SLC49A4: variants seen among roughly 807,000 people sequenced by gnomAD.
The protein encoded by SLC49A4 is disrupted in renal cancer protein 2.
A neutral mutation model predicts 50.6 loss-of-function variants in SLC49A4; 36 were observed. That is an observed-to-expected ratio of 0.71 (90% CI 0.55 to 0.94). SLC49A4 has a LOEUF of 0.94. Among genes scored for constraint, SLC49A4 ranks in the 40% least tolerant of loss-of-function variants. The pLI is 0.00. For synonymous variants in SLC49A4, 248 were observed against 241.2 expected, an observed-to-expected ratio of 1.03 and a Z score of -0.26; for missense variants, 503 against 605.7, an observed-to-expected ratio of 0.83 and a Z score of 1.78.
chr3:122,851,539 G>C lies in SLC49A4; in HGVS notation c.943-4768G>C, dbSNP rs138642332. Reference sequence around the variant, plus strand: ...AAGTTAGCTCTCAAATTTAAAAGCTGGCTGCTTTTAAGATTTTCTGTATAT... The same window carrying C: ...AAGTTAGCTCTCAAATTTAAAAGCTCGCTGCTTTTAAGATTTTCTGTATAT... On this transcript the variant is annotated intron_variant, in intron 5 of 8. Coordinates refer to ENST00000261038, the MANE Select transcript of SLC49A4 (RefSeq NM_032839.3). Among the ~76,000 whole-genome samples, 18 of 152,104 alleles carry C rather than the reference G, an allele frequency of 1.2e-4. No individual in the cohort carries two copies. The East Asian group carries it at 3.5e-3, about 29-fold the overall frequency.
intron 8 of SLC49A4, among the ~76,000 whole-genome samples, chr3:122,878,190 G>T (rs1937288740): frequency 6.6e-6 from 1 of 152,150 alleles, no homozygotes; most frequent in African/African-American, 2.4e-5. Flanking sequence ...TTAGCATTTT[G>T]TAGAAGTACA....
chr3:122,810,852 A>T (rs1031860490), intron 2 of SLC49A4, among the ~76,000 whole-genome samples: 8 of 152,210 alleles, frequency 5.3e-5, no homozygotes, highest in African/African-American at 1.9e-4. Context: ...TTGTTTAGTG[A>T]CTGATTTTGT....
At chr3:122,842,002 A>G (rs949677985) in intron 4 of SLC49A4, among the ~76,000 whole-genome samples, 1 of 152,254 alleles carries the variant, frequency 6.6e-6, no homozygotes, top group African/African-American at 2.4e-5. Flanking sequence ...ACAGTTTAAA[A>G]TGATCGTTTT....
chr3:122,872,702 T>G (rs574761084), intron 8 of SLC49A4, 105 bp downstream of exon 8: 41 of 740,164 alleles, frequency 5.5e-5, no homozygotes, highest in Admixed American at 1.7e-4. Flanking sequence ...CAAGGCAAAT[T>G]ACTTTATGTG....
chr3:122,873,923 TC>T lies in SLC49A4; in HGVS notation c.1321+1332del, dbSNP rs920706321. ...GGTAAAGCATCGGAGATGGCTGTGA[TC>T]CCCCCTGGGATGGTAGAAGCAGTTT... On this transcript the variant is annotated intron_variant, in intron 8 of 8. Coordinates refer to ENST00000261038, the MANE Select transcript of SLC49A4 (RefSeq NM_032839.3). 9.9e-5 allele frequency among the ~76,000 whole-genome samples: 15 copies of T among 152,170 alleles called. 1 individual carries two copies. Among genetic ancestry groups the T allele is most frequent in the Admixed American group, 8.5e-4 (13 of 15,272 alleles).
chr3:122,840,764 A>G (rs1027028695), intron 4 of SLC49A4, among the ~76,000 whole-genome samples: 1 of 152,176 alleles, frequency 6.6e-6, no homozygotes, highest in Admixed American at 6.5e-5. Context: ...TACCGTTGAA[A>G]AAGTATGCAT....
chr3:122,817,331 A>G (rs1056405251), intron 2 of SLC49A4, among the ~76,000 whole-genome samples: 2 of 152,214 alleles, frequency 1.3e-5, no homozygotes, highest in Non-Finnish European at 2.9e-5. Context: ...GGCCACTACA[A>G]GCTGGAAAAT....
intron 1 of SLC49A4, among the ~76,000 whole-genome samples, chr3:122,802,821 G>C (rs74516266): frequency 6.6e-6 from 1 of 152,160 alleles, no homozygotes; most frequent in Non-Finnish European, 1.5e-5. Context: ...AGAAAAGGTC[G>C]TGTGACTTGA....
At chr3:122,835,757 GT>G (rs1166638073) in intron 4 of SLC49A4, among the ~76,000 whole-genome samples, 2 of 152,112 alleles carry the variant, frequency 1.3e-5, no homozygotes, top group Non-Finnish European at 2.9e-5. Flanking sequence ...AGCCAGAACA[GT>G]CAGGCAACTG....
chr3:122,798,634 CTTTTTTTTTTTTT>C lies in SLC49A4; in HGVS notation c.343+3115_343+3127del, dbSNP rs71136594. 1.4e-4 allele frequency among the ~76,000 whole-genome samples: 9 copies of C among 62,840 alleles called. No homozygotes were observed. The East Asian group carries it at 4.9e-3, about 34-fold the overall frequency. 41.2% of individuals were successfully genotyped at this position (62,840 alleles called of 152,430 possible). A position where few individuals can be genotyped will look rare whatever the true frequency, so the allele number is the denominator to read the frequency against. On this transcript the variant is annotated intron_variant, in intron 1 of 8. Coordinates refer to ENST00000261038, the MANE Select transcript of SLC49A4 (RefSeq NM_032839.3). ...CTGGCATCCTTGGGTACTAAAATATCTTTTTTTTTTTTTTTTTTTTTTTTTTTTGAGACAGAGT... is the reference window on the plus strand; with the variant it reads ...CTGGCATCCTTGGGTACTAAAATATCTTTTTTTTTTTTTTTGAGACAGAGT...
At position 122,795,465 on chromosome 3, in the gene SLC49A4, G is replaced by T. The variant is rs752503222; in HGVS notation, c.273G>T (p.Ala91=). 2 of 1,606,386 alleles carry T rather than the reference G, an allele frequency of 1.2e-6. No individual in the cohort carries two copies. The highest frequency in any genetic ancestry group is 1.7e-6 in the Non-Finnish European group (2 of 1,179,002). Residue 91 remains alanine, a synonymous_variant, in exon 1 of 9, where the codon GCG becomes GCT. Coordinates refer to ENST00000261038, the MANE Select transcript of SLC49A4 (RefSeq NM_032839.3). ...ACGGCTTCTCCAGCTGGGACATCGC[G>T]CTGCTCGTGCTGTGGGGGCCCATCG... The part of the protein sequence containing the change: ...QAYGFSSWDI[A]LLVLWGPIGF...
chr3:122,848,989 A>G (rs1226394658), intron 5 of SLC49A4, among the ~76,000 whole-genome samples: 1 of 152,160 alleles, frequency 6.6e-6, no homozygotes, highest in Non-Finnish European at 1.5e-5. Context: ...AGCAGCTGGT[A>G]ACTATCATTC....
intron 2 of SLC49A4, among the ~76,000 whole-genome samples, chr3:122,811,904 G>A (rs964204326): frequency 2.6e-5 from 4 of 152,078 alleles, no homozygotes; most frequent in African/African-American, 4.8e-5. Context: ...GAGGTGGAAA[G>A]GACATTTACT....
chr3:122,811,077 C>G (rs1015990906), intron 2 of SLC49A4, among the ~76,000 whole-genome samples: 1 of 152,150 alleles, frequency 6.6e-6, no homozygotes, highest in Non-Finnish European at 1.5e-5. Flanking sequence ...ATATATTTGA[C>G]TATGTAAAAA....
chr3:122,856,294 T>G lies in SLC49A4; in HGVS notation c.943-13T>G, dbSNP rs1306690097. On this transcript the variant is annotated splice_polypyrimidine_tract_variant and intron_variant, in intron 5 of 8. Coordinates refer to ENST00000261038, the MANE Select transcript of SLC49A4 (RefSeq NM_032839.3). ...TTGTCTTGTATTAAATGTGTCTGCT[T>G]CTTTCTTAACAGGTAGATGCTGGCT... is the stretch of plus-strand genomic sequence containing the variant. 2.5e-6 allele frequency: 4 copies of G among 1,613,680 alleles called. No homozygotes were observed. Among genetic ancestry groups the G allele is most frequent in the Admixed American group, 1.7e-5 (1 of 59,956 alleles).
chr3:122,869,213 C>G (rs965744146), intron 7 of SLC49A4, among the ~76,000 whole-genome samples: 6 of 144,108 alleles, frequency 4.2e-5, no homozygotes, highest in African/African-American at 1.2e-4. Context: ...AAAGTCTCTA[C>G]TCTCCTGTGA....
At chr3:122,848,886 T>A (rs1175790318) in intron 5 of SLC49A4, among the ~76,000 whole-genome samples, 1 of 152,204 alleles carries the variant, frequency 6.6e-6, no homozygotes, top group Non-Finnish European at 1.5e-5. Flanking sequence ...ATTTCCCTAC[T>A]GTACTATCAA....
rs913817250 is a variant in SLC49A4 at position 122,795,200 on chromosome 3, C to T, written c.8C>T (p.Ser3Phe). ...CGCGGGCGACGCGTCGCCATGGGCT[C>T]TCGCTGGAGCAGCGAAGAGGAGAGG... MG[S>F]RWSSEEERQP... The change falls in exon 1 of 9, where the codon TCT becomes TTT. Residue 3 changes from serine (S) to phenylalanine (F), a missense_variant. Ser to Phe is a radical substitution (Grantham distance 155). Coordinates refer to ENST00000261038, the MANE Select transcript of SLC49A4 (RefSeq NM_032839.3). 2 of 1,324,834 alleles carry T rather than the reference C, an allele frequency of 1.5e-6. No individual in the cohort carries two copies. The highest frequency in any genetic ancestry group is 1.5e-5 in the African/African-American group (1 of 64,628). 82.1% of individuals were successfully genotyped at this position (1,324,834 alleles called of 1,614,324 possible). A position where few individuals can be genotyped will look rare whatever the true frequency, so the allele number is the denominator to read the frequency against.
At chr3:122,835,454 T>G (rs149770124) in intron 4 of SLC49A4, among the ~76,000 whole-genome samples, 1 of 151,400 alleles carries the variant, frequency 6.6e-6, no homozygotes, top group East Asian at 1.9e-4. Flanking sequence ...TACCAGAGAT[T>G]GTTTAAAATA....
Sources: allele counts gnomAD v4.1 joint callset (sites outside exome capture counted in the v4.1 genomes callset), GRCh38; gene constraint gnomAD v4.1.1; transcripts MANE v1.5; gene names NCBI Gene and HGNC (gene_info 2026-07-23, HGNC 2026-07-21).